SLC2A1: variants seen among roughly 807,000 people sequenced by gnomAD.
SLC2A1 encodes the protein solute carrier family 2 member 1, also known as solute carrier family 2, facilitated glucose transporter member 1.
SLC2A1 carries 4 observed loss-of-function variants against 46.6 expected under a neutral mutation model. The ratio of observed to expected loss-of-function variants is 0.09; its 90% CI spans 0.04 to 0.20. SLC2A1 has a LOEUF of 0.20. Among genes scored for constraint, SLC2A1 ranks in the 10% least tolerant of loss-of-function variants. The probability of loss-of-function intolerance (pLI) is 1.00; values close to 1 mark genes in which losing one functional copy is unlikely to be tolerated. For synonymous variants in SLC2A1, 253 were observed against 270.0 expected, an observed-to-expected ratio of 0.94 and a Z score of 0.62; for missense variants, 352 against 667.0, an observed-to-expected ratio of 0.53 and a Z score of 5.20.
rs945695311 is a variant in SLC2A1 at position 42,954,869 on chromosome 1, C to A, written c.18+3765G>T. On this transcript the variant is annotated intron_variant, in intron 1 of 9. Coordinates refer to ENST00000426263, the MANE Select transcript of SLC2A1 (RefSeq NM_006516.4). The surrounding 1 kb of genome is among the most constrained non-coding windows in gnomAD (Gnocchi z 4.2). ...CCTTTCAAACTATCCCAAGGGTGACCCAAATTCAGAAAGGTAGGCAGGAAG... is the reference window on the plus strand; with the variant it reads ...CCTTTCAAACTATCCCAAGGGTGACACAAATTCAGAAAGGTAGGCAGGAAG... 2.0e-5 allele frequency among the ~76,000 whole-genome samples: 3 copies of A among 152,048 alleles called. No homozygotes were observed. Among genetic ancestry groups the A allele is most frequent in the Non-Finnish European group, 4.4e-5 (3 of 68,014 alleles).
At chr1:42,941,122 G>A (rs932228830) in intron 2 of SLC2A1, among the ~76,000 whole-genome samples, 8 of 152,290 alleles carry the variant, frequency 5.3e-5, no homozygotes, top group African/African-American at 7.2e-5. Flanking sequence ...ATGGTTTCCC[G>A]TCTCTAGTCT....
At chr1:42,955,384 G>A (rs1178266025) in intron 1 of SLC2A1, among the ~76,000 whole-genome samples, 3 of 152,122 alleles carry the variant, frequency 2.0e-5, no homozygotes, top group Non-Finnish European at 4.4e-5. Flanking sequence ...TGAAGTGGGC[G>A]GATCACCTGA....
rs146635926 is a variant in SLC2A1, at chr1:42,934,942, C to G, written c.115-3736G>C. Reference sequence around the variant, plus strand: ...TCTTCCTATCCACCAAAGTCAGACCCCATTTCCCACAGTGAACCACCCCTC... The same window carrying G: ...TCTTCCTATCCACCAAAGTCAGACCGCATTTCCCACAGTGAACCACCCCTC... On this transcript the variant is annotated intron_variant, in intron 2 of 9. Transcript: ENST00000426263. 9.2e-4 allele frequency among the ~76,000 whole-genome samples: 140 copies of G among 152,278 alleles called. 2 individuals carry two copies. The East Asian group carries it at 0.023, about 25-fold the overall frequency.
chr1:42,956,941 C>A (rs1344355461), intron 1 of SLC2A1, among the ~76,000 whole-genome samples: 1 of 152,092 alleles, frequency 6.6e-6, no homozygotes, highest in African/African-American at 2.4e-5. Context: ...TAGTGAGTAA[C>A]CAGCAGGGCT....
At chr1:42,934,840 C>T (rs558080517) in intron 2 of SLC2A1, among the ~76,000 whole-genome samples, 262 of 152,266 alleles carry the variant, frequency 1.7e-3, no homozygotes, top group African/African-American at 6.1e-3. Context: ...CAGGTCCTCT[C>T]GATTCTGCCT....
intron 1 of SLC2A1, among the ~76,000 whole-genome samples, chr1:42,944,543 C>G (rs181466940): frequency 2.0e-5 from 3 of 152,274 alleles, no homozygotes; most frequent in East Asian, 1.9e-4. Flanking sequence ...CCAGAAGCAG[C>G]CTTTACTTCA....
chr1:42,935,415 C>T (rs1643532518), intron 2 of SLC2A1, among the ~76,000 whole-genome samples: 1 of 152,200 alleles, frequency 6.6e-6, no homozygotes, highest in African/African-American at 2.4e-5. Context: ...CATGTCTGCC[C>T]ATCTGCCAAG....
At chr1:42,958,282 G>A (rs1643801812) in intron 1 of SLC2A1, among the ~76,000 whole-genome samples, 1 of 151,346 alleles carries the variant, frequency 6.6e-6, no homozygotes, top group South Asian at 2.1e-4. Flanking sequence ...AGGCTGGGCT[G>A]CTGCTGCCGA....
chr1:42,954,558 G>C lies in SLC2A1; in HGVS notation c.18+4076C>G, dbSNP rs1034285299. On this transcript the variant is annotated intron_variant, in intron 1 of 9. Coordinates refer to ENST00000426263, the MANE Select transcript of SLC2A1 (RefSeq NM_006516.4). The surrounding 1 kb of genome is among the most constrained non-coding windows in gnomAD (Gnocchi z 4.2). ...AAAACAAAACACAGCTCCATAGAAC[G>C]CCTCAAATCTTTTGTGATAGCCTTA... Among the ~76,000 whole-genome samples the C allele has an allele frequency of 9.9e-5, 15 of 152,078 alleles. No individual in the cohort carries two copies. Among genetic ancestry groups the C allele is most frequent in the Non-Finnish European group, 7.4e-5 (5 of 68,002 alleles).
At chr1:42,931,660 T>C (rs1476399655) in intron 2 of SLC2A1, among the ~76,000 whole-genome samples, 1 of 151,540 alleles carries the variant, frequency 6.6e-6, no homozygotes, top group Non-Finnish European at 1.5e-5. Context: ...ACCCTATCTC[T>C]ACTAAAAATA....
intron 2 of SLC2A1, among the ~76,000 whole-genome samples, chr1:42,935,450 A>G (rs1472370578): frequency 1.3e-5 from 2 of 152,156 alleles, no homozygotes; most frequent in African/African-American, 4.8e-5. Flanking sequence ...CCCTTTGTAG[A>G]GGGGCATGAG....
chr1:42,930,318 G>A lies in SLC2A1; in HGVS notation c.517-283C>T. Reference sequence around the variant, plus strand: ...TACTCTGCCACAAGAGGGTTTTGGGGACAGGGAAGGGGAAGCCTCCTGGAG... The same window carrying A: ...TACTCTGCCACAAGAGGGTTTTGGGAACAGGGAAGGGGAAGCCTCCTGGAG... On this transcript the variant is annotated intron_variant, in intron 4 of 9. Transcript: ENST00000426263. The surrounding 1 kb of genome is among the most constrained non-coding windows in gnomAD (Gnocchi z 6.2). 1 of 627,090 alleles carries A rather than the reference G, an allele frequency of 1.6e-6. No homozygotes were observed. The allele number at this position is 627,090 out of a possible 1,614,324, so 38.8% of individuals were successfully genotyped here. A position where few individuals can be genotyped will look rare whatever the true frequency, so the allele number is the denominator to read the frequency against.
chr1:42,950,841 G>C (rs1429379109), intron 1 of SLC2A1, among the ~76,000 whole-genome samples: 1 of 152,130 alleles, frequency 6.6e-6, no homozygotes, highest in African/African-American at 2.4e-5. Context: ...GGGCGTGGGG[G>C]GCGCGCGCCT....
rs1440588461 is a variant in SLC2A1, at chr1:42,954,817, C to A, written c.18+3817G>T. On this transcript the variant is annotated intron_variant, in intron 1 of 9. Coordinates refer to ENST00000426263, the MANE Select transcript of SLC2A1 (RefSeq NM_006516.4). The surrounding 1 kb of genome is among the most constrained non-coding windows in gnomAD (Gnocchi z 4.2). The stretch of plus-strand genomic sequence containing the variant: ...TTGTATCACAGGGCAGTTGTGAGGA[C>A]CCTTGGAGTTAATGGACATGAATGT... Among the ~76,000 whole-genome samples the A allele has an allele frequency of 6.6e-6, 1 of 152,116 alleles. No homozygotes were observed. Among genetic ancestry groups the A allele is most frequent in the Non-Finnish European group, 1.5e-5 (1 of 68,032 alleles).
chr1:42,958,161 G>A (rs1236101860), intron 1 of SLC2A1, among the ~76,000 whole-genome samples: 2 of 152,030 alleles, frequency 1.3e-5, no homozygotes, highest in African/African-American at 4.8e-5. Context: ...CGGAGAGCGG[G>A]GGCGGCTCCT....
intron 1 of SLC2A1, among the ~76,000 whole-genome samples, chr1:42,947,798 A>C (rs139350067): frequency 1.6e-4 from 25 of 152,302 alleles, no homozygotes; most frequent in African/African-American, 6.0e-4. Context: ...ATTGCCAAAC[A>C]AAGAAACCTG....
chr1:42,945,121 C>T (rs947917602), intron 1 of SLC2A1, among the ~76,000 whole-genome samples: 2 of 152,148 alleles, frequency 1.3e-5, no homozygotes, highest in East Asian at 1.9e-4. Flanking sequence ...CTGCTAGGCC[C>T]GCCACGTGCT....
At position 42,929,773 on chromosome 1, in the gene SLC2A1, C is replaced by T. The variant is rs535101359; in HGVS notation, c.687G>A (p.Lys229=). The change falls in exon 6 of 10, where the codon AAG becomes AAA. Residue 229 remains lysine (K), a synonymous_variant. Transcript: ENST00000426263. The surrounding 1 kb of genome is among the most constrained non-coding windows in gnomAD (Gnocchi z 6.0). The part of the protein sequence containing the change: ...NEENRAKSVL[K]KLRGTADVTH... ...TCACGTCAGCTGTCCCGCGCAGCTT[C>T]TTTAGCACTGGGGGGACCGGAGGGA... 1.9e-6 allele frequency: 3 copies of T among 1,614,190 alleles called. No homozygotes were observed. The highest frequency in any genetic ancestry group is 1.3e-5 in the African/African-American group (1 of 75,040).
Position 42,926,026 on chromosome 1 carries a change from G to C in SLC2A1, c.*1015C>G, listed in dbSNP as rs1358282484. 2.0e-5 allele frequency: 3 copies of C among 152,482 alleles called. No homozygotes were observed. The highest frequency in any genetic ancestry group is 4.4e-5 in the Non-Finnish European group (3 of 68,048). The allele number at this position is 152,482 out of a possible 1,614,324, so 9.4% of individuals were successfully genotyped here. A position where few individuals can be genotyped will look rare whatever the true frequency, so the allele number is the denominator to read the frequency against. On this transcript the variant is annotated 3_prime_UTR_variant, in exon 10 of 10. Transcript: ENST00000426263. Reference sequence around the variant, plus strand: ...GATTTTTGAGCAAGAGGACACTGATGAGAGGTACGTGTAAGGGACTGGATC... The same window carrying C: ...GATTTTTGAGCAAGAGGACACTGATCAGAGGTACGTGTAAGGGACTGGATC...
Sources: allele counts gnomAD v4.1 joint callset (sites outside exome capture counted in the v4.1 genomes callset), GRCh38; gene constraint gnomAD v4.1.1; non-coding constraint Gnocchi (gnomAD v3.1); transcripts MANE v1.5; gene names NCBI Gene and HGNC (gene_info 2026-07-23, HGNC 2026-07-21).